The following JAZF1 variants were observed in gnomAD, a reference collection of about 807,000 sequenced individuals.
The protein encoded by JAZF1 is juxtaposed with another zinc finger protein 1.
A neutral mutation model predicts 26.4 loss-of-function variants in JAZF1; 8 were observed. The ratio of observed to expected loss-of-function variants is 0.30; its 90% CI spans 0.18 to 0.55. JAZF1 has a LOEUF of 0.55. JAZF1 is among the 20% of genes least tolerant of loss of function. The probability of loss-of-function intolerance (pLI) is 0.94; values close to 1 mark genes in which losing one functional copy is unlikely to be tolerated. For synonymous variants in JAZF1, 126 were observed against 122.3 expected (o/e 1.03, Z -0.20); for missense variants, 199 against 322.0 (o/e 0.62, Z 2.92).
At chr7:28,072,993 TCAGAAAA>T (rs1784000170) in intron 1 of JAZF1, among the ~76,000 whole-genome samples, 1 of 152,160 alleles carries the variant, frequency 6.6e-6, no homozygotes, top group African/African-American at 2.4e-5. Flanking sequence ...CTCCCAAAGC[TCAGAAAA>T]GGAAACTCCA....
intron 1 of JAZF1, among the ~76,000 whole-genome samples, chr7:28,015,729 G>T (rs553362642): frequency 1.3e-5 from 2 of 152,280 alleles, no homozygotes; most frequent in South Asian, 4.1e-4. Flanking sequence ...AGGATACTGT[G>T]CTTACAGCAG....
chr7:27,952,535 C>A (rs1211874525), intron 2 of JAZF1, among the ~76,000 whole-genome samples: 2 of 152,234 alleles, frequency 1.3e-5, no homozygotes, highest in Non-Finnish European at 2.9e-5. Context: ...CACAAGTAAA[C>A]CAACAGCTGA....
intron 1 of JAZF1, among the ~76,000 whole-genome samples, chr7:28,048,598 T>C (rs1783535998): frequency 6.6e-6 from 1 of 152,214 alleles, no homozygotes; most frequent in East Asian, 1.9e-4. Context: ...GGTTCCTATA[T>C]GAAGTACTCT....
intron 1 of JAZF1, among the ~76,000 whole-genome samples, chr7:28,040,940 T>C (rs1012206238): frequency 3.9e-5 from 6 of 152,184 alleles, no homozygotes; most frequent in Non-Finnish European, 7.3e-5. Flanking sequence ...GCAGACACTA[T>C]GTTCCTTAAT....
In JAZF1 at chr7:27,992,137, C is replaced by T. The variant is rs138784040; in HGVS notation, c.116-156G>A. The T allele has an allele frequency of 9.1e-4, 631 of 692,208 alleles. 1 individual carries two copies. The African/African-American group carries it at 0.01, about 11-fold the overall frequency. The allele number at this position is 692,208 out of a possible 1,614,324, so 42.9% of individuals were successfully genotyped here. ...AGTCGGCGAAGCACAATCATTTGTT[C>T]ATTCATTCATAAATAACAAGATATT... On this transcript the variant is annotated intron_variant, in intron 1 of 4. Coordinates refer to ENST00000283928, the MANE Select transcript of JAZF1 (RefSeq NM_175061.4).
chr7:28,011,434 G>C (rs1448475928), intron 1 of JAZF1, among the ~76,000 whole-genome samples: 1 of 152,132 alleles, frequency 6.6e-6, no homozygotes, highest in Non-Finnish European at 1.5e-5. Context: ...ATATTTGGTT[G>C]GTTTAAAACA....
At chr7:28,179,757 T>C (rs1783607281) in intron 1 of JAZF1, among the ~76,000 whole-genome samples, 1 of 145,360 alleles carries the variant, frequency 6.9e-6, no homozygotes, top group African/African-American at 2.5e-5. Flanking sequence ...CTCGGCCGCC[T>C]CCCAGGGAGA....
intron 2 of JAZF1, among the ~76,000 whole-genome samples, chr7:27,924,157 C>T (rs1280081040): frequency 1.3e-5 from 2 of 152,194 alleles, no homozygotes; most frequent in Non-Finnish European, 2.9e-5. Flanking sequence ...CGGCTCACTA[C>T]AAACTCTGTC....
chr7:28,010,042 T>C (rs971259347), intron 1 of JAZF1, among the ~76,000 whole-genome samples: 2 of 152,182 alleles, frequency 1.3e-5, no homozygotes. Flanking sequence ...GTTCTCTACA[T>C]GCCCCCTACA....
chr7:27,911,800 G>A (rs1784363741), intron 2 of JAZF1, among the ~76,000 whole-genome samples: 2 of 152,022 alleles, frequency 1.3e-5, no homozygotes, highest in African/African-American at 4.8e-5. Flanking sequence ...GGAGCAAGCA[G>A]GGAAAAGGAG....
intron 3 of JAZF1, among the ~76,000 whole-genome samples, chr7:27,885,398 T>C (rs1426823616): frequency 6.6e-6 from 1 of 152,216 alleles, no homozygotes; most frequent in Non-Finnish European, 1.5e-5. Context: ...ATATAAAAAT[T>C]GGTCAACTTG....
chr7:27,967,253 C>CT (rs1459320732), intron 2 of JAZF1, among the ~76,000 whole-genome samples: 1 of 152,052 alleles, frequency 6.6e-6, no homozygotes, highest in Non-Finnish European at 1.5e-5. Flanking sequence ...CCTGACAGAG[C>CT]TTTGGAGTAG....
intron 2 of JAZF1, among the ~76,000 whole-genome samples, chr7:27,952,403 C>A (rs1030059261): frequency 2.6e-5 from 4 of 152,246 alleles, no homozygotes; most frequent in Non-Finnish European, 1.5e-5. Context: ...ATCTGTGTCA[C>A]CAATGTCAAT....
At chr7:28,147,020 C>T (rs1158446634) in intron 1 of JAZF1, among the ~76,000 whole-genome samples, 3 of 151,954 alleles carry the variant, frequency 2.0e-5, no homozygotes, top group Non-Finnish European at 2.9e-5. Context: ...CTACACTTGG[C>T]TAATTTGTTG....
At chr7:27,847,793 G>A (rs1321555825) in intron 3 of JAZF1, among the ~76,000 whole-genome samples, 2 of 151,892 alleles carry the variant, frequency 1.3e-5, no homozygotes, top group Non-Finnish European at 2.9e-5. Context: ...TCAACCTCTT[G>A]AGTAGCTGGG....
intron 1 of JAZF1, among the ~76,000 whole-genome samples, chr7:28,030,914 T>C (rs923472222): frequency 6.6e-5 from 10 of 152,202 alleles, no homozygotes; most frequent in Admixed American, 3.9e-4. Flanking sequence ...TCTTATGATA[T>C]ATTCAGATAA....
At chr7:28,089,185 G>A (rs182542940) in intron 1 of JAZF1, among the ~76,000 whole-genome samples, 142 of 152,310 alleles carry the variant, frequency 9.3e-4, no homozygotes, top group African/African-American at 2.7e-3. Context: ...GGTCTGTGGC[G>A]ATGAGGCCTT....
At chr7:28,071,517 T>A in intron 1 of JAZF1, 1 of 437,448 alleles carries the variant, frequency 2.3e-6, no homozygotes, top group Non-Finnish European at 4.6e-6. Context: ...AGATTTTGGT[T>A]TTTCAATAAA....
intron 3 of JAZF1, among the ~76,000 whole-genome samples, chr7:27,872,402 G>A (rs749103927): frequency 1.3e-5 from 2 of 152,066 alleles, no homozygotes; most frequent in African/African-American, 2.4e-5. Context: ...GACCCCTCCC[G>A]CCAAAGGCTT....
Sources: gnomAD v4.1 joint callset for allele counts (sites outside exome capture counted in the v4.1 genomes callset) on GRCh38, gnomAD v4.1.1 for gene constraint, MANE v1.5 for transcripts, NCBI Gene and HGNC (gene_info 2026-07-23, HGNC 2026-07-21) for gene names.